The following DNAJB6 variants were observed in gnomAD, a reference collection of about 807,000 sequenced individuals.
The protein encoded by DNAJB6 is DnaJ heat shock protein family (Hsp40) member B6.
In DNAJB6, 16 loss-of-function variants were observed where a neutral mutation model predicts 42.7. That is an observed-to-expected ratio of 0.37 (90% CI 0.25 to 0.57). DNAJB6 has a LOEUF of 0.57. Among genes scored for constraint, DNAJB6 ranks in the 20% least tolerant of loss-of-function variants. The pLI is 0.74. For missense variants in DNAJB6, 347 were observed against 416.8 expected (o/e 0.83, Z 1.46); for synonymous variants, 170 against 163.5 (o/e 1.04, Z -0.30).
chr7:157,342,566 C>T (rs991891598), intron 1 of DNAJB6, among the ~76,000 whole-genome samples: 1 of 152,124 alleles, frequency 6.6e-6, no homozygotes, highest in Non-Finnish European at 1.5e-5. Flanking sequence ...AGGTCATCCG[C>T]CTGCCTTGGC....
At chr7:157,390,401 TTC>T (rs1801282338) in intron 8 of DNAJB6, among the ~76,000 whole-genome samples, 1 of 152,198 alleles carries the variant, frequency 6.6e-6, no homozygotes, top group African/African-American at 2.4e-5. Context: ...TTAGGTTGGT[TTC>T]TCTCTTAAAC....
intron 1 of DNAJB6, among the ~76,000 whole-genome samples, chr7:157,349,190 A>G (rs545894493): frequency 7.9e-5 from 12 of 152,028 alleles, no homozygotes; most frequent in Non-Finnish European, 1.5e-4. Context: ...CCATGTGCAT[A>G]TTTGTCTACA....
At chr7:157,383,321 G>T (rs775166777) in intron 6 of DNAJB6, among the ~76,000 whole-genome samples, 12 of 152,276 alleles carry the variant, frequency 7.9e-5, no homozygotes, top group Non-Finnish European at 1.8e-4. Flanking sequence ...CTGCTGTTTT[G>T]ATTCTCTCAT....
intron 5 of DNAJB6, chr7:157,381,451 T>G (rs886411590): frequency 6.6e-6 from 1 of 152,206 alleles, no homozygotes; most frequent in African/African-American, 2.4e-5. Flanking sequence ...GAATTTTTAG[T>G]AAGTACTCAT....
At chr7:157,368,146 C>CT (rs1335157232) in intron 5 of DNAJB6, among the ~76,000 whole-genome samples, 1 of 152,258 alleles carries the variant, frequency 6.6e-6, no homozygotes, top group South Asian at 2.1e-4. Flanking sequence ...GCTGTAAAAT[C>CT]TTTTCTCTTC....
intron 8 of DNAJB6, among the ~76,000 whole-genome samples, chr7:157,386,720 C>T (rs937520881): frequency 6.6e-5 from 10 of 152,028 alleles, no homozygotes; most frequent in Admixed American, 5.9e-4. Flanking sequence ...CCTGTCTCTA[C>T]TAAAAATAGA....
intron 9 of DNAJB6, chr7:157,414,147 C>G (rs1796049039): frequency 6.6e-6 from 1 of 152,372 alleles, no homozygotes; most frequent in Admixed American, 6.5e-5. Flanking sequence ...GCTTTCCGTC[C>G]CTAGCTCATA....
At chr7:157,398,895 A>G (rs778963399) in intron 8 of DNAJB6, among the ~76,000 whole-genome samples, 1 of 152,226 alleles carries the variant, frequency 6.6e-6, no homozygotes, top group Non-Finnish European at 1.5e-5. Flanking sequence ...TTCCGTACAA[A>G]TTGCTAAACT....
At chr7:157,366,994 C>G (rs773951386) in intron 4 of DNAJB6, among the ~76,000 whole-genome samples, 9 of 152,198 alleles carry the variant, frequency 5.9e-5, no homozygotes, top group Non-Finnish European at 1.3e-4. Context: ...GCTCCAAACC[C>G]ACTGGGGCCA....
At position 157,390,850 on chromosome 7, in the gene DNAJB6, C is replaced by G. The variant is rs552780582; in HGVS notation, c.691+5239C>G. Among the ~76,000 whole-genome samples, 12 of 152,190 alleles carry G rather than the reference C, an allele frequency of 7.9e-5. No homozygotes were observed. The South Asian group carries it at 2.3e-3, about 29-fold the overall frequency. On this transcript the variant is annotated intron_variant, in intron 8 of 9. Transcript: ENST00000262177. ...TTATATTATTTTATATTTTACTTAA[C>G]TTTTGGACCAGTTCTCTCTCTCTAA...
intron 1 of DNAJB6, among the ~76,000 whole-genome samples, chr7:157,349,483 T>C (rs1311570252): frequency 2.4e-5 from 3 of 126,044 alleles, no homozygotes; most frequent in African/African-American, 7.6e-5. Flanking sequence ...TAGCAGAGTT[T>C]TATTACTTTT....
rs77061964 is a variant in DNAJB6, at chr7:157,370,448, A to G, written c.346+2965A>G. Among the ~76,000 whole-genome samples, 2,329 of 152,306 alleles carry G rather than the reference A, an allele frequency of 0.015. 129 individuals carry two copies. The East Asian group carries it at 0.18, about 12-fold the overall frequency. ...ATGATTAAACAGGTCCTTTCTTAACATTATGATTATTATTTTAATTCAAAG... is the reference window on the plus strand; with the variant it reads ...ATGATTAAACAGGTCCTTTCTTAACGTTATGATTATTATTTTAATTCAAAG... On this transcript the variant is annotated intron_variant, in intron 5 of 9. Coordinates refer to ENST00000262177, the MANE Select transcript of DNAJB6 (RefSeq NM_058246.4).
intron 8 of DNAJB6, among the ~76,000 whole-genome samples, chr7:157,396,818 A>G (rs556856115): frequency 6.6e-6 from 1 of 152,228 alleles, no homozygotes; most frequent in African/African-American, 2.4e-5. Context: ...ATCCCCCGAG[A>G]CTGAGGAACT....
intron 1 of DNAJB6, among the ~76,000 whole-genome samples, chr7:157,349,769 T>G (rs1051266365): frequency 2.0e-5 from 3 of 152,112 alleles, no homozygotes. Context: ...CTCAGTCTCC[T>G]GAGTAACTGG....
At chr7:157,363,011 T>C (rs1165116915) in intron 2 of DNAJB6, 150 bp from the exon 3 acceptor site, 1 of 525,452 alleles carries the variant, frequency 1.9e-6, no homozygotes, top group African/African-American at 1.9e-5. Flanking sequence ...TATTTCATTG[T>C]AGAGGAAAGG....
At chr7:157,360,419 G>T (rs968979305) in intron 2 of DNAJB6, among the ~76,000 whole-genome samples, 4 of 152,190 alleles carry the variant, frequency 2.6e-5, no homozygotes, top group Non-Finnish European at 5.9e-5. Flanking sequence ...TTTGGGTGGG[G>T]ACATAGCCAG....
Position 157,382,455 on chromosome 7 carries a change from G to A in DNAJB6, c.478+78G>A, listed in dbSNP as rs776290019. 3.6e-4 allele frequency: 533 copies of A among 1,477,188 alleles called. 1 individual carries two copies. Among genetic ancestry groups the A allele is most frequent in the Non-Finnish European group, 4.6e-4 (511 of 1,105,444 alleles). 91.5% of individuals were successfully genotyped at this position (1,477,188 alleles called of 1,614,324 possible). A position where few individuals can be genotyped will look rare whatever the true frequency, so the allele number is the denominator to read the frequency against. On this transcript the variant is annotated intron_variant, in intron 6 of 9. Coordinates refer to ENST00000262177, the MANE Select transcript of DNAJB6 (RefSeq NM_058246.4). ...TAAAATCATAATACTCTTTTAGTTA[G>A]AGTGCTTTAAAATATGTGTATACCT... is the stretch of plus-strand genomic sequence containing the variant.
At chr7:157,407,045 G>A (rs562720522) in intron 8 of DNAJB6, among the ~76,000 whole-genome samples, 6 of 152,346 alleles carry the variant, frequency 3.9e-5, no homozygotes, top group Admixed American at 1.3e-4. Context: ...TCGGACACCC[G>A]CCCAGGGGCG....
chr7:157,396,619 G>GT (rs1801596014), intron 8 of DNAJB6, among the ~76,000 whole-genome samples: 1 of 152,216 alleles, frequency 6.6e-6, no homozygotes, highest in Non-Finnish European at 1.5e-5. Context: ...TGCTCTCAGT[G>GT]TGAGAGTCCA....
Sources: gnomAD v4.1 joint callset for allele counts (sites outside exome capture counted in the v4.1 genomes callset) on GRCh38, gnomAD v4.1.1 for gene constraint, MANE v1.5 for transcripts, NCBI Gene and HGNC (gene_info 2026-07-23, HGNC 2026-07-21) for gene names.